ANKRD30B: variants seen among roughly 807,000 people sequenced by gnomAD.
ANKRD30B encodes the protein ankyrin repeat domain 30B.
In ANKRD30B, 144 loss-of-function variants were observed where a neutral mutation model predicts 202.2. The observed-to-expected ratio is 0.71, with a 90% CI of 0.62 to 0.82. The LOEUF is 0.82. Among genes scored for constraint, ANKRD30B ranks in the 40% least tolerant of loss-of-function variants. The probability of loss-of-function intolerance (pLI) is 0.00; values close to 1 mark genes in which losing one functional copy is unlikely to be tolerated. For missense variants in ANKRD30B, 1,487 were observed against 1,669.1 expected, an observed-to-expected ratio of 0.89 and a Z score of 1.90; for synonymous variants, 508 against 561.3, an observed-to-expected ratio of 0.91 and a Z score of 1.34.
At chr18:14,925,359 G>T in the ANKRD30B span, among the ~76,000 whole-genome samples, 31 of 152,320 alleles carry the variant, frequency 2.0e-4, no homozygotes, top group Admixed American at 1.4e-3. Context: ...CCCATTGGGG[G>T]TTCTTTCCTC....
chr18:14,748,918 CAAAGCACTCTGTAG>C (rs1367734364), intron 1 of ANKRD30B, among the ~76,000 whole-genome samples: 2 of 152,218 alleles, frequency 1.3e-5, no homozygotes, highest in African/African-American at 4.8e-5. Context: ...CTTCCCCTCA[CAAAGCACTCTGTAG>C]AAAATTTTAA....
chr18:14,796,404 C>T lies in ANKRD30B; in HGVS notation c.1916C>T (p.Thr639Ile), dbSNP rs1446316032. ...NKALELKDRETFKAESPDKDG... is the reference protein window; with the variant it reads ...NKALELKDREIFKAESPDKDG... ...GCCTTAGAATTAAAGGACAGAGAAA[C>T]ATTCAAAGCAGGTAAATTTTGTAAT... Residue 639 changes from threonine (T) to isoleucine (I), a missense_variant, in exon 18 of 44, where the codon ACA becomes ATA. Physicochemically the swap from Thr to Ile is moderately conservative, Grantham distance 89 (BLOSUM62 -1). Around this residue, in one of 6 missense-constraint regions of ANKRD30B, gnomAD observed 889 missense variants for 841.4 expected, o/e 1.06. Coordinates refer to ENST00000690538, the MANE Select transcript of ANKRD30B (RefSeq NM_001367607.2). The T allele has an allele frequency of 1.9e-6, 3 of 1,550,274 alleles. No individual in the cohort carries two copies. Among genetic ancestry groups the T allele is most frequent in the African/African-American group, 1.4e-5 (1 of 72,818 alleles).
chr18:14,804,760 T>C (rs148565459), intron 24 of ANKRD30B, among the ~76,000 whole-genome samples: 1 of 150,826 alleles, frequency 6.6e-6, no homozygotes, highest in Non-Finnish European at 1.5e-5. Flanking sequence ...ACTACTTCTA[T>C]ACAAAGAAAA....
intron 30 of ANKRD30B, among the ~76,000 whole-genome samples, chr18:14,821,164 G>C (rs1379174316): frequency 1.3e-5 from 2 of 152,154 alleles, no homozygotes; most frequent in Non-Finnish European, 2.9e-5. Flanking sequence ...GGTGTTTGTA[G>C]TATTCTCTGA....
intron 3 of ANKRD30B, among the ~76,000 whole-genome samples, chr18:14,754,305 C>T (rs555395745): frequency 2.0e-5 from 3 of 152,208 alleles, no homozygotes; most frequent in South Asian, 2.1e-4. Flanking sequence ...AACTGTATGC[C>T]TGAAATTCTA....
At chr18:14,843,173 T>A in intron 39 of ANKRD30B, 77 bp downstream of exon 39, 1 of 1,325,834 alleles carries the variant, frequency 7.5e-7, no homozygotes, top group Non-Finnish European at 1.0e-6. Context: ...TCCCCAATGT[T>A]TATTTTTCAA....
rs188412834 is a variant in ANKRD30B, at chr18:14,837,275, C to T, written c.2912C>T (p.Pro971Leu). 27 of 1,546,580 alleles carry T rather than the reference C, an allele frequency of 1.7e-5. No individual in the cohort carries two copies. The highest frequency in any genetic ancestry group is 4.0e-5 in the Admixed American group (2 of 50,594). ...ERDIGIIERA[P>L]QDQTNKMPTS... ...GATATTGGCATTATTGAACGAGCTCCACAAGATCAAACAAGTAATGACAAT... is the reference window on the plus strand; with the variant it reads ...GATATTGGCATTATTGAACGAGCTCTACAAGATCAAACAAGTAATGACAAT... Residue 971 changes from proline to leucine, a missense_variant, in exon 35 of 44, where the codon CCA (proline) becomes CTA (leucine). Transcript: ENST00000690538.
At chr18:14,905,858 G>A in the ANKRD30B span, 7 of 152,162 alleles carry the variant, frequency 4.6e-5, no homozygotes, top group Non-Finnish European at 1.0e-4. Flanking sequence ...ATCCATGAAG[G>A]GATGTCTATT....
the ANKRD30B span, among the ~76,000 whole-genome samples, chr18:14,928,798 T>C: frequency 6.6e-6 from 1 of 152,216 alleles, no homozygotes; most frequent in Non-Finnish European, 1.5e-5. Context: ...TTTGGTGATA[T>C]ATTTTTCTTA....
At chr18:14,892,086 A>T in the ANKRD30B span, among the ~76,000 whole-genome samples, 4 of 152,266 alleles carry the variant, frequency 2.6e-5, no homozygotes, top group Admixed American at 2.6e-4. Flanking sequence ...AGGTCTTAGC[A>T]TTGTAAAATA....
the ANKRD30B span, among the ~76,000 whole-genome samples, chr18:14,875,296 TG>T: frequency 6.6e-6 from 1 of 152,062 alleles, no homozygotes; most frequent in African/African-American, 2.4e-5. Flanking sequence ...TACATGGCCA[TG>T]TCAGGAGGAT....
At chr18:14,901,880 T>C in the ANKRD30B span, among the ~76,000 whole-genome samples, 1 of 152,144 alleles carries the variant, frequency 6.6e-6, no homozygotes, top group Non-Finnish European at 1.5e-5. Context: ...GCCTGATACG[T>C]TGTCTACATG....
intron 9 of ANKRD30B, among the ~76,000 whole-genome samples, chr18:14,772,558 A>G (rs1407540836): frequency 6.6e-6 from 1 of 152,160 alleles, no homozygotes; most frequent in Non-Finnish European, 1.5e-5. Context: ...TTGGATAAGT[A>G]AACTTACTGT....
At chr18:14,822,411 A>G in intron 30 of ANKRD30B, 72 bp from the exon 31 acceptor site, 1 of 877,720 alleles carries the variant, frequency 1.1e-6, no homozygotes, top group Admixed American at 1.9e-5. Flanking sequence ...CTTCATATTC[A>G]CACTGCATGA....
intron 16 of ANKRD30B, among the ~76,000 whole-genome samples, chr18:14,791,739 A>T (rs1426383873): frequency 2.0e-5 from 3 of 152,258 alleles, no homozygotes; most frequent in Admixed American, 6.5e-5. Context: ...AAATGAGAAA[A>T]TAAGAAAGGA....
Position 14,763,669 on chromosome 18 carries a change from G to C in ANKRD30B, c.821-17G>C, listed in dbSNP as rs1297316513. ...TTTAAGCAGAAAGAAAATTTAACCA[G>C]ATTGTGTGTTTGGCAGAAGGAACAT... On this transcript the variant is annotated splice_polypyrimidine_tract_variant and intron_variant, in intron 6 of 43. Transcript: ENST00000690538. The C allele has an allele frequency of 2.5e-6, 4 of 1,611,888 alleles. No individual in the cohort carries two copies. The highest frequency in any genetic ancestry group is 3.4e-6 in the Non-Finnish European group (4 of 1,179,128).
At chr18:14,881,642 G>A in the ANKRD30B span, among the ~76,000 whole-genome samples, 5 of 152,158 alleles carry the variant, frequency 3.3e-5, no homozygotes, top group African/African-American at 1.2e-4. Context: ...TTGTGGAATA[G>A]TGTGAAAGGA....
chr18:14,836,233 C>T (rs944389611), intron 34 of ANKRD30B, among the ~76,000 whole-genome samples: 4 of 152,256 alleles, frequency 2.6e-5, no homozygotes, highest in Middle Eastern at 3.4e-3. Context: ...TGCCTCAAAT[C>T]TTATAGGTCT....
intron 40 of ANKRD30B, 49 bp downstream of exon 40, chr18:14,848,978 G>C (rs1237997356): frequency 1.6e-5 from 22 of 1,411,138 alleles, no homozygotes; most frequent in Non-Finnish European, 2.0e-5. Flanking sequence ...TATACTAAAA[G>C]TATGTAGGAT....
Sources: gnomAD v4.1 joint callset for allele counts (sites outside exome capture counted in the v4.1 genomes callset) on GRCh38, gnomAD v4.1.1 for gene constraint, gnomAD v4.1.1 regional missense constraint, MANE v1.5 for transcripts, NCBI Gene and HGNC (gene_info 2026-07-23, HGNC 2026-07-21) for gene names.